HNRNPK: variants seen among roughly 807,000 people sequenced by gnomAD.
HNRNPK encodes heterogeneous nuclear ribonucleoprotein K.
HNRNPK carries 7 observed loss-of-function variants against 67.0 expected under a neutral mutation model. That is an observed-to-expected ratio of 0.10 (90% CI 0.06 to 0.20). The LOEUF (loss-of-function observed/expected upper bound fraction) is 0.20. HNRNPK is among the 10% of genes least tolerant of loss of function. The pLI, the probability that HNRNPK is intolerant of heterozygous loss-of-function variation, is 1.00. For missense variants in HNRNPK, 264 were observed against 606.5 expected (o/e 0.44, Z 5.93); for synonymous variants, 213 against 193.7 (o/e 1.10, Z -0.83).
At chr9:83,976,924 T>C in intron 5 of HNRNPK, 71 bp downstream of exon 5, 1 of 834,562 alleles carries the variant, frequency 1.2e-6, no homozygotes. Flanking sequence ...TTCTAGGATG[T>C]AAATCTTTAA....
At chr9:83,970,064 G>A in intron 16 of HNRNPK, 98 bp downstream of exon 16, 6 of 973,642 alleles carry the variant, frequency 6.2e-6, no homozygotes, top group Non-Finnish European at 9.2e-6. Context: ...AAAAGGTTGA[G>A]ACACCATGGC....
chr9:83,971,495 A>C, intron 12 of HNRNPK, 139 bp from the exon 13 acceptor site: 1 of 798,976 alleles, frequency 1.3e-6, no homozygotes, highest in East Asian at 2.4e-5. Flanking sequence ...GAGGGGAACA[A>C]AGCTCAATAA....
At chr9:83,972,313 G>C (rs137985081) in intron 10 of HNRNPK, 124 bp from the exon 11 acceptor site, 72 of 704,732 alleles carry the variant, frequency 1.0e-4, no homozygotes, top group Admixed American at 6.6e-4. Flanking sequence ...ACTAGAGACA[G>C]AAACAGGAAT....
chr9:83,970,446 C>T, intron 15 of HNRNPK, 115 bp from the exon 16 acceptor site: 1 of 789,680 alleles, frequency 1.3e-6, no homozygotes, highest in Non-Finnish European at 2.0e-6. Flanking sequence ...AACTGATGAT[C>T]TAACGCTCCC....
intron 1 of HNRNPK, among the ~76,000 whole-genome samples, chr9:83,979,733 C>G (rs1957282956): frequency 6.6e-6 from 1 of 152,098 alleles, no homozygotes. Flanking sequence ...GCATCCTCCC[C>G]CCACTGCCCG....
In HNRNPK at chr9:83,973,119, A is replaced by C. The variant is rs1956928156; in HGVS notation, c.517-147T>G. Reference sequence around the variant, plus strand: ...ATCACAGGGCTTTGCAATGGTATAAAAATTTTGACAAAATAACATGTCTAG... The same window carrying C: ...ATCACAGGGCTTTGCAATGGTATAACAATTTTGACAAAATAACATGTCTAG... On this transcript the variant is annotated intron_variant, in intron 9 of 16. Coordinates refer to ENST00000376263, the MANE Select transcript of HNRNPK (RefSeq NM_031263.4). 4 of 767,668 alleles carry C rather than the reference A, an allele frequency of 5.2e-6. No homozygotes were observed. In the African/African-American group the frequency reaches 7.1e-5, roughly 14 times the overall value. 47.6% of individuals were successfully genotyped at this position (767,668 alleles called of 1,614,324 possible).
At position 83,969,092 on chromosome 9, in the gene HNRNPK, A is replaced by AT; in HGVS notation, c.*314dup. On this transcript the variant is annotated 3_prime_UTR_variant, in exon 17 of 17. Coordinates refer to ENST00000376263, the MANE Select transcript of HNRNPK (RefSeq NM_031263.4). ...TGTTCACAATAATTACATGGGGGGA[A>AT]TTTTTTAAACCACCAACAATAACGA... 1 of 490,066 alleles carries AT rather than the reference A, an allele frequency of 2.0e-6. No individual in the cohort carries two copies. Among genetic ancestry groups the AT allele is most frequent in the Non-Finnish European group, 3.6e-6 (1 of 276,176 alleles). The allele number at this position is 490,066 out of a possible 1,614,324, so 30.4% of individuals were successfully genotyped here. A position where few individuals can be genotyped will look rare whatever the true frequency, so the allele number is the denominator to read the frequency against.
rs371333102 is a variant in HNRNPK, at chr9:83,973,231, C to CT, written c.516+54dup. 4.6e-3 allele frequency: 4,655 copies of CT among 1,015,332 alleles called. 37 individuals are homozygous for CT. Among genetic ancestry groups the CT allele is most frequent in the Non-Finnish European group, 4.6e-3 (2,938 of 641,232 alleles). The allele number at this position is 1,015,332 out of a possible 1,614,324, so 62.9% of individuals were successfully genotyped here. Reference sequence around the variant, plus strand: ...GCGAGAGAAGCTCACAGAAACAAGTCTATATGAAAATTTACTTTCCAGCAA... The same window carrying CT: ...GCGAGAGAAGCTCACAGAAACAAGTCTTATATGAAAATTTACTTTCCAGCAA... On this transcript the variant is annotated intron_variant, in intron 9 of 16. Transcript: ENST00000376263.
chr9:83,978,429 C>T lies in HNRNPK; in HGVS notation c.-84G>A, dbSNP rs1957172315. The T allele has an allele frequency of 8.2e-6, 11 of 1,333,914 alleles. No individual in the cohort carries two copies. Among genetic ancestry groups the T allele is most frequent in the Non-Finnish European group, 1.1e-5 (11 of 1,029,928 alleles). The allele number at this position is 1,333,914 out of a possible 1,614,324, so 82.6% of individuals were successfully genotyped here. On this transcript the variant is annotated 5_prime_UTR_variant, in exon 2 of 17. Coordinates refer to ENST00000376263, the MANE Select transcript of HNRNPK (RefSeq NM_031263.4). ...GAAGCGTTCTGGGTCGGACCAACAA[C>T]TGACACCCCAGTGCTGCAGTAGCCT...
intron 8 of HNRNPK, 112 bp downstream of exon 8, chr9:83,973,790 G>T: frequency 1.3e-6 from 1 of 766,306 alleles, no homozygotes; most frequent in Non-Finnish European, 2.2e-6. Flanking sequence ...CATGTATCAT[G>T]TTTTTAAGCC....
rs778102592 is a variant in HNRNPK at position 83,972,197 on chromosome 9, CAG to C, written c.646-10_646-9del. ...ACGTCCTTTGATGGGAGACTAAAAA[CAG>C]AGATGGAACAAACTTACAGACTGAA... On this transcript the variant is annotated splice_polypyrimidine_tract_variant and intron_variant, in intron 10 of 16. Coordinates refer to ENST00000376263, the MANE Select transcript of HNRNPK (RefSeq NM_031263.4). The C allele has an allele frequency of 2.5e-5, 40 of 1,574,696 alleles. No individual in the cohort carries two copies. Among genetic ancestry groups the C allele is most frequent in the Non-Finnish European group, 2.8e-5 (33 of 1,159,276 alleles).
At chr9:83,971,859 C>T (rs370764430) in intron 11 of HNRNPK, 23 bp downstream of exon 11, 1 of 1,556,034 alleles carries the variant, frequency 6.4e-7, no homozygotes, top group South Asian at 1.2e-5. Flanking sequence ...GAAAAAACAA[C>T]AACAACAAAA....
In HNRNPK at chr9:83,977,843, A is replaced by G. The variant is rs1443439026; in HGVS notation, c.59-57T>C. Reference sequence around the variant, plus strand: ...GCAGCGAAGTCTCCAAAGTAACTCCATTCTGTTTCAAGAGACTTGTTGCTA... The same window carrying G: ...GCAGCGAAGTCTCCAAAGTAACTCCGTTCTGTTTCAAGAGACTTGTTGCTA... On this transcript the variant is annotated intron_variant, in intron 3 of 16. Transcript: ENST00000376263. 5.6e-6 allele frequency: 6 copies of G among 1,076,894 alleles called. No individual in the cohort carries two copies. The East Asian group carries it at 1.4e-4, about 26-fold the overall frequency. 66.7% of individuals were successfully genotyped at this position (1,076,894 alleles called of 1,614,324 possible). A position where few individuals can be genotyped will look rare whatever the true frequency, so the allele number is the denominator to read the frequency against.
chr9:83,978,863 A>T (rs1232811741), intron 1 of HNRNPK, among the ~76,000 whole-genome samples: 1 of 152,172 alleles, frequency 6.6e-6, no homozygotes, highest in African/African-American at 2.4e-5. Flanking sequence ...GCTTGAAGCG[A>T]TCTTATGTGA....
chr9:83,970,881 A>G lies in HNRNPK; in HGVS notation c.1108+16T>C, dbSNP rs150482206. 1.9e-6 allele frequency: 3 copies of G among 1,612,310 alleles called. No individual in the cohort carries two copies. Among genetic ancestry groups the G allele is most frequent in the East Asian group, 2.2e-5 (1 of 44,852 alleles). ...GTATGAAATTAATGTTTGACTTCAC[A>G]AAGGAGAGAACTTACCATATCCGGA... On this transcript the variant is annotated intron_variant, in intron 14 of 16. Coordinates refer to ENST00000376263, the MANE Select transcript of HNRNPK (RefSeq NM_031263.4).
chr9:83,969,597 T>C, intron 16 of HNRNPK, 157 bp from the exon 17 acceptor site: 1 of 635,508 alleles, frequency 1.6e-6, no homozygotes, highest in South Asian at 1.9e-5. Context: ...TAAAGCAATG[T>C]TAAGTGTCAA....
In HNRNPK at chr9:83,971,994, C is replaced by A. The variant is rs766331617; in HGVS notation, c.841G>T (p.Asp281Tyr). The A allele has an allele frequency of 1.2e-6, 2 of 1,613,594 alleles. No individual in the cohort carries two copies. The change falls in exon 11 of 17, where the codon GAT (aspartate) becomes TAT (tyrosine). Residue 281 changes from aspartate to tyrosine, a missense_variant. Transcript: ENST00000376263. ...RPMPPSRRDY[D>Y]DMSPRRGPPP... ...GGTCCTCGACGAGGGCTCATATCAT[C>A]ATAATCTCTTCTAGATGGAGGCATG...
chr9:83,977,618 A>G, intron 4 of HNRNPK, 71 bp downstream of exon 4: 1 of 875,538 alleles, frequency 1.1e-6, no homozygotes, highest in Non-Finnish European at 1.8e-6. Flanking sequence ...GACTTTCTAG[A>G]AAGCCAAACC....
At chr9:83,979,074 G>A (rs913409919) in intron 1 of HNRNPK, among the ~76,000 whole-genome samples, 1 of 152,166 alleles carries the variant, frequency 6.6e-6, no homozygotes, top group Non-Finnish European at 1.5e-5. Flanking sequence ...AGGCTTAAGG[G>A]AGTACAACAC....
Sources: gnomAD v4.1 joint callset for allele counts (sites outside exome capture counted in the v4.1 genomes callset) on GRCh38, gnomAD v4.1.1 for gene constraint, MANE v1.5 for transcripts, NCBI Gene and HGNC (gene_info 2026-07-23, HGNC 2026-07-21) for gene names.